Variants in CDH12 observed in about 807,000 individuals in gnomAD.
CDH12 encodes cadherin 12, also known as cadherin-12.
A neutral mutation model predicts 74.1 loss-of-function variants in CDH12; 41 were observed. The ratio of observed to expected loss-of-function variants is 0.55; its 90% CI spans 0.43 to 0.72. The LOEUF (loss-of-function observed/expected upper bound fraction) is 0.72. Among genes scored for constraint, CDH12 ranks in the 30% least tolerant of loss-of-function variants. The probability of loss-of-function intolerance (pLI) is 0.00; values close to 1 mark genes in which losing one functional copy is unlikely to be tolerated. For missense variants in CDH12, 945 were observed against 977.2 expected (o/e 0.97, Z 0.44); for synonymous variants, 399 against 355.0 (o/e 1.12, Z -1.39).
chr5:21,917,694 C>T (rs969959739), intron 6 of CDH12, among the ~76,000 whole-genome samples: 6 of 152,098 alleles, frequency 3.9e-5, no homozygotes, highest in African/African-American at 1.4e-4. Context: ...CAATGAAACG[C>T]TGAAGCACCC....
intron 1 of CDH12, among the ~76,000 whole-genome samples, chr5:22,704,781 A>C (rs1432352696): frequency 6.6e-6 from 1 of 152,060 alleles, no homozygotes; most frequent in African/African-American, 2.4e-5. Context: ...ATATTATCAT[A>C]CGTGTGGTAT....
chr5:22,512,541 C>T (rs2126673576), intron 1 of CDH12, among the ~76,000 whole-genome samples: 1 of 152,248 alleles, frequency 6.6e-6, no homozygotes, highest in Non-Finnish European at 1.5e-5. Context: ...TTCAGCTAAC[C>T]TAAGAAAACC....
intron 1 of CDH12, among the ~76,000 whole-genome samples, chr5:22,781,211 A>AT (rs1209427545): frequency 6.6e-6 from 1 of 152,142 alleles, no homozygotes; most frequent in Non-Finnish European, 1.5e-5. Flanking sequence ...ATGAATCTTG[A>AT]TTTTTCTAAG....
At chr5:22,565,973 A>G (rs112675039) in intron 1 of CDH12, among the ~76,000 whole-genome samples, 68 of 152,316 alleles carry the variant, frequency 4.5e-4, no homozygotes, top group African/African-American at 1.5e-3. Context: ...GCAACCATGG[A>G]AGCCGATTTC....
intron 4 of CDH12, among the ~76,000 whole-genome samples, chr5:22,180,739 G>C (rs1749598609): frequency 6.6e-6 from 1 of 151,900 alleles, no homozygotes; most frequent in Non-Finnish European, 1.5e-5. Context: ...GACCTCAAGT[G>C]ATCTGTCTGT....
chr5:22,002,300 A>G (rs534587139), intron 5 of CDH12, among the ~76,000 whole-genome samples: 1 of 152,266 alleles, frequency 6.6e-6, no homozygotes, highest in East Asian at 1.9e-4. Flanking sequence ...AAACATTTTA[A>G]AAAGACAAGA....
intron 1 of CDH12, among the ~76,000 whole-genome samples, chr5:22,617,102 T>C (rs1433006195): frequency 6.6e-6 from 1 of 151,988 alleles, no homozygotes; most frequent in Non-Finnish European, 1.5e-5. Context: ...CTCAAACCCC[T>C]GGTTTCAAGT....
intron 1 of CDH12, among the ~76,000 whole-genome samples, chr5:22,621,763 T>G (rs1048959389): frequency 6.6e-6 from 1 of 152,074 alleles, no homozygotes; most frequent in African/African-American, 2.4e-5. Flanking sequence ...TATATATTTC[T>G]CAAATATCCT....
intron 10 of CDH12, among the ~76,000 whole-genome samples, chr5:21,795,911 G>C (rs914947334): frequency 6.6e-6 from 1 of 151,890 alleles, no homozygotes. Context: ...ATTGATTACA[G>C]CAATTTTTAC....
At chr5:22,802,336 G>T (rs915819669) in intron 1 of CDH12, among the ~76,000 whole-genome samples, 1 of 151,866 alleles carries the variant, frequency 6.6e-6, no homozygotes, top group Non-Finnish European at 1.5e-5. Flanking sequence ...TAGCCAGGAT[G>T]GTCTCCATCT....
At chr5:21,867,136 C>A (rs1037873816) in intron 6 of CDH12, among the ~76,000 whole-genome samples, 3 of 152,104 alleles carry the variant, frequency 2.0e-5, no homozygotes, top group African/African-American at 7.2e-5. Flanking sequence ...GGGTGGATCA[C>A]CTGATTTCAG....
chr5:22,098,426 T>C (rs1743930471), intron 4 of CDH12, among the ~76,000 whole-genome samples: 2 of 152,198 alleles, frequency 1.3e-5, no homozygotes, highest in Admixed American at 1.3e-4. Flanking sequence ...CCCCACCCTT[T>C]AGCCTTTCTG....
intron 10 of CDH12, among the ~76,000 whole-genome samples, chr5:21,795,694 CA>C (rs1358760293): frequency 6.6e-6 from 1 of 151,876 alleles, no homozygotes; most frequent in Non-Finnish European, 1.5e-5. Context: ...GGCATTTTTT[CA>C]AACATTTAAT....
intron 4 of CDH12, among the ~76,000 whole-genome samples, chr5:22,094,292 C>G (rs1426802548): frequency 6.6e-6 from 1 of 152,164 alleles, no homozygotes; most frequent in Non-Finnish European, 1.5e-5. Flanking sequence ...CCATAAGAAT[C>G]TGACTGACTG....
chr5:22,018,713 T>C (rs1383542045), intron 5 of CDH12, among the ~76,000 whole-genome samples: 1 of 152,218 alleles, frequency 6.6e-6, no homozygotes, highest in Non-Finnish European at 1.5e-5. Flanking sequence ...TAGAAATCAA[T>C]GGCAACATTT....
chr5:22,267,662 T>C (rs1368119650), intron 3 of CDH12, among the ~76,000 whole-genome samples: 1 of 152,154 alleles, frequency 6.6e-6, no homozygotes, highest in Admixed American at 6.5e-5. Flanking sequence ...CCAATTCTAG[T>C]GGTCTCTATT....
At chr5:22,207,090 G>T (rs1751263672) in intron 4 of CDH12, among the ~76,000 whole-genome samples, 1 of 151,460 alleles carries the variant, frequency 6.6e-6, no homozygotes, top group Admixed American at 6.6e-5. Flanking sequence ...ATGGTGGCAG[G>T]CGCCTGTAGT....
At chr5:22,644,675 A>AAAATC (rs1739343894) in intron 1 of CDH12, among the ~76,000 whole-genome samples, 1 of 151,830 alleles carries the variant, frequency 6.6e-6, no homozygotes, top group Non-Finnish European at 1.5e-5. Flanking sequence ...TAGATGACAG[A>AAAATC]TTTTCAATGT....
At chr5:22,195,963 T>G (rs1472857601) in intron 4 of CDH12, among the ~76,000 whole-genome samples, 1 of 152,138 alleles carries the variant, frequency 6.6e-6, no homozygotes, top group East Asian at 1.9e-4. Flanking sequence ...CATATATACA[T>G]ATTAATCACA....
Sources: gnomAD v4.1 joint callset for allele counts (sites outside exome capture counted in the v4.1 genomes callset) on GRCh38, gnomAD v4.1.1 for gene constraint, MANE v1.5 for transcripts, NCBI Gene and HGNC (gene_info 2026-07-23, HGNC 2026-07-21) for gene names.